HGF: variants seen among roughly 807,000 people sequenced by gnomAD.
The protein encoded by HGF is hepatocyte growth factor, also known as fibroblast-derived tumor cytotoxic factor.
In HGF, 39 loss-of-function variants were observed where a neutral mutation model predicts 111.6. The observed-to-expected ratio is 0.35, with a 90% CI of 0.27 to 0.46. The LOEUF (loss-of-function observed/expected upper bound fraction) is 0.46. Among genes scored for constraint, HGF ranks in the 20% least tolerant of loss-of-function variants. HGF has a pLI of 1.00. For missense variants in HGF, 735 were observed against 910.5 expected (o/e 0.81, Z 2.48); for synonymous variants, 285 against 294.8 (o/e 0.97, Z 0.34).
At chr7:81,728,457 C>A (rs1790076733) in intron 8 of HGF, among the ~76,000 whole-genome samples, 1 of 152,302 alleles carries the variant, frequency 6.6e-6, no homozygotes, top group East Asian at 1.9e-4. Flanking sequence ...GGCAGTGACA[C>A]TATCTCCTTT....
chr7:81,751,335 C>T (rs1366906570), intron 5 of HGF: 31 of 983,616 alleles, frequency 3.2e-5, no homozygotes, highest in East Asian at 1.1e-4. Flanking sequence ...CTGAAAAATC[C>T]GGCTATTCAG....
rs755584740 is a variant in HGF, at chr7:81,729,773, T to G, written c.872A>C (p.Asn291Thr). ...EYCAIKTCADNTMNDTDVPLE... is the reference protein window; with the variant it reads ...EYCAIKTCADTTMNDTDVPLE... ...AGGAACATCAGTGTCATTCATAGTA[T>G]TGTCAGCTATTGGCAAAAAACAACA... The change falls in exon 8 of 18, where the codon AAT becomes ACT. Residue 291 changes from asparagine to threonine, a missense_variant. Transcript: ENST00000222390. The G allele has an allele frequency of 6.2e-7, 1 of 1,601,396 alleles. No individual in the cohort carries two copies. The highest frequency in any genetic ancestry group is 8.5e-7 in the Non-Finnish European group (1 of 1,177,752).
At chr7:81,747,882 G>A (rs556935959) in intron 5 of HGF, among the ~76,000 whole-genome samples, 9 of 152,208 alleles carry the variant, frequency 5.9e-5, no homozygotes, top group African/African-American at 1.4e-4. Flanking sequence ...GCACTGAGCC[G>A]AGATGGTGCC....
At chr7:81,737,797 G>T (rs191837872) in intron 7 of HGF, among the ~76,000 whole-genome samples, 2 of 152,056 alleles carry the variant, frequency 1.3e-5, no homozygotes, top group African/African-American at 4.8e-5. Flanking sequence ...TTCTAATATA[G>T]AAAAACATGG....
intron 7 of HGF, among the ~76,000 whole-genome samples, chr7:81,735,919 C>T (rs980949154): frequency 6.6e-5 from 10 of 152,000 alleles, no homozygotes; most frequent in African/African-American, 2.4e-4. Context: ...TGTTATAAGG[C>T]CTCCGATCCT....
In HGF at chr7:81,717,352, C is replaced by T. The variant is rs2115849448; in HGVS notation, c.1285G>A (p.Glu429Lys). ...TCATTCAGCTTACTTGCATCTGGTT[C>T]CCAGAAGATATGACTGTGGAAACAA... The part of the protein sequence containing the change: ...MEDLHRHIFW[E>K]PDASKLNENY... Residue 429 changes from glutamate (E) to lysine (K), a missense_variant, in exon 11 of 18, where the codon GAA becomes AAA. This residue lies in a region of HGF where 553 missense variants were observed against 685.6 expected (regional missense o/e 0.81). Transcript: ENST00000222390. The T allele has an allele frequency of 6.2e-7, 1 of 1,613,542 alleles. No individual in the cohort carries two copies. The highest frequency in any genetic ancestry group is 1.1e-5 in the South Asian group (1 of 91,056).
At chr7:81,715,206 T>C (rs1789677430) in intron 11 of HGF, among the ~76,000 whole-genome samples, 2 of 152,078 alleles carry the variant, frequency 1.3e-5, no homozygotes. Flanking sequence ...GGAAGCAAAA[T>C]AACTTGTTTT....
chr7:81,711,561 G>A, intron 11 of HGF, 42 bp from the exon 12 acceptor site: 1 of 828,820 alleles, frequency 1.2e-6, no homozygotes, highest in Non-Finnish European at 2.0e-6. Context: ...ATTCATATAT[G>A]CATATATCTG....
In HGF at chr7:81,722,845, G is replaced by GTATATATATATATATATA. The variant is rs144391393; in HGVS notation, c.1169-1999_1169-1998insTATATATATATATATATA. 1.8e-3 allele frequency among the ~76,000 whole-genome samples: 244 copies of GTATATATATATATATATA among 132,558 alleles called. 5 individuals carry two copies. Among genetic ancestry groups the GTATATATATATATATATA allele is most frequent in the African/African-American group, 7.6e-3 (232 of 30,570 alleles). 87.0% of individuals were successfully genotyped at this position (132,558 alleles called of 152,430 possible). On this transcript the variant is annotated intron_variant, in intron 9 of 17. Coordinates refer to ENST00000222390, the MANE Select transcript of HGF (RefSeq NM_000601.6). The stretch of plus-strand genomic sequence containing the variant: ...AAAAAAAAAAAAGAAATTTAAAAAG[G>GTATATATATATATATATA]TATATATATATATATATGTTGCATT...
intron 5 of HGF, chr7:81,751,232 C>T (rs1346560054): frequency 4.1e-6 from 4 of 968,894 alleles, no homozygotes; most frequent in Non-Finnish European, 4.9e-6. Context: ...CAGTAGTCCC[C>T]CTCCCCAAAT....
rs1788906603 is a variant in HGF, at chr7:81,758,689, T to C, written c.367+3A>G. On this transcript the variant is annotated splice_donor_region_variant and intron_variant, in intron 3 of 17. Coordinates refer to ENST00000222390, the MANE Select transcript of HGF (RefSeq NM_000601.6). Reference sequence around the variant, plus strand: ...ATGCAATATTTAGGGAGAAGTCAGTTACCTTTGTTTTCATAGAGGTCAAAT... The same window carrying C: ...ATGCAATATTTAGGGAGAAGTCAGTCACCTTTGTTTTCATAGAGGTCAAAT... 1 of 1,521,230 alleles carries C rather than the reference T, an allele frequency of 6.6e-7. No individual in the cohort carries two copies. Among genetic ancestry groups the C allele is most frequent in the Non-Finnish European group, 9.1e-7 (1 of 1,096,236 alleles). 94.2% of individuals were successfully genotyped at this position (1,521,230 alleles called of 1,614,324 possible).
At chr7:81,740,443 A>T (rs1439869604) in intron 7 of HGF, among the ~76,000 whole-genome samples, 2 of 152,206 alleles carry the variant, frequency 1.3e-5, no homozygotes, top group Non-Finnish European at 2.9e-5. Context: ...CCCCTTGGGT[A>T]TGGATGAAAC....
intron 1 of HGF, among the ~76,000 whole-genome samples, chr7:81,769,175 C>T (rs1439192959): frequency 2.0e-5 from 3 of 152,042 alleles, no homozygotes; most frequent in Non-Finnish European, 4.4e-5. Context: ...CTCTAAATCT[C>T]CAAGCAATAT....
intron 8 of HGF, among the ~76,000 whole-genome samples, chr7:81,727,278 G>A (rs1250351596): frequency 6.6e-6 from 1 of 151,570 alleles, no homozygotes; most frequent in African/African-American, 2.4e-5. Context: ...CTCCTGACCT[G>A]GTGATCTGCC....
intron 1 of HGF, among the ~76,000 whole-genome samples, chr7:81,763,567 G>A (rs1363526548): frequency 6.6e-6 from 1 of 152,106 alleles, no homozygotes; most frequent in East Asian, 1.9e-4. Context: ...AAGGCGCCTA[G>A]ATAGCATGAA....
At chr7:81,758,879 T>C (rs1453681005) in intron 2 of HGF, 75 bp from the exon 3 acceptor site, 1 of 931,226 alleles carries the variant, frequency 1.1e-6, no homozygotes, top group Non-Finnish European at 1.8e-6. Context: ...ATATGGTTCA[T>C]CTTGTCCATG....
At position 81,700,788 on chromosome 7, in the gene HGF, C is replaced by A. The variant is rs1273438431; in HGVS notation, c.*1793G>T. ...TCCACTTTAAGTTTCTTGATGCCAG[C>A]ACATATCTTATTATGAAAAAAAAAT... On this transcript the variant is annotated 3_prime_UTR_variant, in exon 18 of 18. Transcript: ENST00000222390. The A allele has an allele frequency of 6.6e-6, 1 of 151,440 alleles. No homozygotes were observed. Among genetic ancestry groups the A allele is most frequent in the Non-Finnish European group, 1.5e-5 (1 of 67,620 alleles). 9.4% of individuals were successfully genotyped at this position (151,440 alleles called of 1,614,324 possible). A position where few individuals can be genotyped will look rare whatever the true frequency, so the allele number is the denominator to read the frequency against.
intron 17 of HGF, 70 bp from the exon 18 acceptor site, chr7:81,702,827 A>C: frequency 8.0e-7 from 1 of 1,242,980 alleles, no homozygotes; most frequent in Non-Finnish European, 1.2e-6. Context: ...ATAATCATAT[A>C]TAGATTTGCA....
chr7:81,768,832 TAAAAG>T (rs1293998722), intron 1 of HGF, among the ~76,000 whole-genome samples: 1 of 152,154 alleles, frequency 6.6e-6, no homozygotes, highest in Non-Finnish European at 1.5e-5. Context: ...CTTCACAAAA[TAAAAG>T]AAAACCAGGT....
Sources: allele counts gnomAD v4.1 joint callset (sites outside exome capture counted in the v4.1 genomes callset), GRCh38; gene constraint gnomAD v4.1.1; regional missense constraint gnomAD v4.1.1; transcripts MANE v1.5; gene names NCBI Gene and HGNC (gene_info 2026-07-23, HGNC 2026-07-21).